The following CRADD variants were observed in gnomAD, a reference collection of about 807,000 sequenced individuals.
CRADD encodes the protein death domain-containing protein CRADD.
In CRADD, 9 loss-of-function variants were observed where a neutral mutation model predicts 15.5. The ratio of observed to expected loss-of-function variants is 0.58; its 90% CI spans 0.35 to 1.01. CRADD has a LOEUF of 1.01. Ranked by LOEUF, CRADD falls within the 50% of genes least tolerant of loss-of-function variation. The pLI is 0.02. For synonymous variants in CRADD, 118 were observed against 107.6 expected (o/e 1.10, Z -0.60); for missense variants, 227 against 250.3 (o/e 0.91, Z 0.63).
chr12:93,744,526 C>G (rs913818636), intron 2 of CRADD, among the ~76,000 whole-genome samples: 2 of 152,198 alleles, frequency 1.3e-5, no homozygotes, highest in Admixed American at 1.3e-4. Flanking sequence ...ATCACACTTG[C>G]AGTGTCCCTT....
At chr12:93,821,553 C>A (rs1957769819) in intron 2 of CRADD, among the ~76,000 whole-genome samples, 1 of 152,190 alleles carries the variant, frequency 6.6e-6, no homozygotes, top group Non-Finnish European at 1.5e-5. Context: ...GACTGCTAGC[C>A]AACGTGCCTT....
rs373046809 is a variant in CRADD, at chr12:93,699,120, A to G, written c.298+20048A>G. Among the ~76,000 whole-genome samples the G allele has an allele frequency of 1.4e-4, 22 of 152,246 alleles. 3 individuals carry two copies. The highest frequency in any genetic ancestry group is 1.4e-3 in the Admixed American group (21 of 15,288). ...GAATCAGCTTTATTTGCCTTTCTTT[A>G]CTTGGTGCCTAACTGAGTGCTGGAT... On this transcript the variant is annotated intron_variant, in intron 2 of 2. Transcript: ENST00000332896.
chr12:93,717,809 C>T (rs1399548433), intron 2 of CRADD, among the ~76,000 whole-genome samples: 1 of 152,214 alleles, frequency 6.6e-6, no homozygotes, highest in East Asian at 1.9e-4. Flanking sequence ...GTATGAGCCG[C>T]CGCACCCTTC....
At chr12:93,883,488 A>G (rs892172943) in intron 2 of CRADD, among the ~76,000 whole-genome samples, 3 of 152,204 alleles carry the variant, frequency 2.0e-5, no homozygotes, top group Non-Finnish European at 4.4e-5. Context: ...TTTAAAGACA[A>G]GTAAGAAATA....
chr12:93,835,366 A>G (rs1159497024), intron 2 of CRADD, among the ~76,000 whole-genome samples: 4 of 152,222 alleles, frequency 2.6e-5, no homozygotes, highest in Non-Finnish European at 5.9e-5. Flanking sequence ...TTCTGCTTGA[A>G]GAATTATTTC....
At chr12:93,698,586 C>G (rs1055764182) in intron 2 of CRADD, among the ~76,000 whole-genome samples, 2 of 152,140 alleles carry the variant, frequency 1.3e-5, no homozygotes, top group African/African-American at 4.8e-5. Context: ...TATACTGTTT[C>G]AAAGTGTTTC....
chr12:93,849,691 A>G (rs1208376664), intron 2 of CRADD, among the ~76,000 whole-genome samples: 1 of 151,626 alleles, frequency 6.6e-6, no homozygotes, highest in Non-Finnish European at 1.5e-5. Context: ...TAGTGAGCCA[A>G]CATCATGCCA....
intron 2 of CRADD, among the ~76,000 whole-genome samples, chr12:93,713,756 G>A (rs568066729): frequency 3.3e-5 from 5 of 151,942 alleles, no homozygotes; most frequent in Admixed American, 1.3e-4. Context: ...CAAAGACTTA[G>A]TATGAAAAAA....
At chr12:93,878,438 G>C (rs1958472192) in intron 2 of CRADD, among the ~76,000 whole-genome samples, 1 of 152,168 alleles carries the variant, frequency 6.6e-6, no homozygotes, top group African/African-American at 2.4e-5. Flanking sequence ...GCCATGAGCT[G>C]TGTAGCCTGG....
intron 2 of CRADD, among the ~76,000 whole-genome samples, chr12:93,840,863 C>T (rs556154688): frequency 1.1e-4 from 16 of 152,198 alleles, no homozygotes; most frequent in East Asian, 1.9e-4. Context: ...CTGGTCAGGA[C>T]GTCCAATACT....
At chr12:93,737,078 G>GAT (rs1295788962) in intron 2 of CRADD, among the ~76,000 whole-genome samples, 1 of 152,228 alleles carries the variant, frequency 6.6e-6, no homozygotes, top group African/African-American at 2.4e-5. Flanking sequence ...ACTGGTCTGG[G>GAT]ATAGTTGAGG....
chr12:93,857,374 A>G (rs750564270), intron 2 of CRADD, among the ~76,000 whole-genome samples: 9 of 152,194 alleles, frequency 5.9e-5, no homozygotes, highest in Non-Finnish European at 1.2e-4. Context: ...GGACTTGGCC[A>G]ATATCAAGGT....
At chr12:93,713,881 G>A (rs372737762) in intron 2 of CRADD, among the ~76,000 whole-genome samples, 4 of 151,882 alleles carry the variant, frequency 2.6e-5, no homozygotes, top group Non-Finnish European at 4.4e-5. Context: ...TTTTTAAAAC[G>A]TGGCTACTAG....
chr12:93,825,102 T>C (rs1330559857), intron 2 of CRADD, among the ~76,000 whole-genome samples: 2 of 152,182 alleles, frequency 1.3e-5, no homozygotes, highest in African/African-American at 4.8e-5. Flanking sequence ...GGAGCACTCT[T>C]CTCTGTAGTC....
intron 2 of CRADD, among the ~76,000 whole-genome samples, chr12:93,819,249 A>G (rs1336603773): frequency 6.6e-6 from 1 of 152,226 alleles, no homozygotes; most frequent in Non-Finnish European, 1.5e-5. Context: ...TCCAGAAGAG[A>G]AGACTCATTC....
chr12:93,820,879 G>T (rs1215559404), intron 2 of CRADD, among the ~76,000 whole-genome samples: 1 of 152,200 alleles, frequency 6.6e-6, no homozygotes, highest in South Asian at 2.1e-4. Flanking sequence ...GTCCCACGCT[G>T]TGTCATTTCT....
chr12:93,871,453 T>G (rs948308267), intron 2 of CRADD, among the ~76,000 whole-genome samples: 2 of 152,130 alleles, frequency 1.3e-5, no homozygotes, highest in Non-Finnish European at 2.9e-5. Flanking sequence ...TACAATTAAG[T>G]TATTATTGAC....
Position 93,779,006 on chromosome 12 carries a change from G to A in CRADD, c.299-70964G>A, listed in dbSNP as rs1466563881. Among the ~76,000 whole-genome samples, 4 of 152,178 alleles carry A rather than the reference G, an allele frequency of 2.6e-5. No individual in the cohort carries two copies. In the East Asian group the frequency reaches 7.7e-4, roughly 29 times the overall value. ...CTGTTCTCTTGTCAGTGGAGCCAAA[G>A]CGTTATGCCTGAACAACGATTATAG... On this transcript the variant is annotated intron_variant, in intron 2 of 2. Transcript: ENST00000332896.
intron 2 of CRADD, chr12:93,816,051 T>A (rs1198792198): frequency 6.6e-6 from 1 of 152,244 alleles, no homozygotes; most frequent in Non-Finnish European, 1.5e-5. Context: ...GAGCCACATA[T>A]GTGGTTTACA....
Sources: allele counts gnomAD v4.1 joint callset (sites outside exome capture counted in the v4.1 genomes callset), GRCh38; gene constraint gnomAD v4.1.1; transcripts MANE v1.5; gene names NCBI Gene and HGNC (gene_info 2026-07-23, HGNC 2026-07-21).